The following ACSM3 variants were observed in gnomAD, a reference collection of about 807,000 sequenced individuals.
ACSM3 encodes acyl-CoA synthetase medium chain family member 3.
A neutral mutation model predicts 74.1 loss-of-function variants in ACSM3; 61 were observed. That is an observed-to-expected ratio of 0.82 (90% CI 0.67 to 1.02). ACSM3 has a LOEUF of 1.02. Among genes scored for constraint, ACSM3 ranks in the 50% least tolerant of loss-of-function variants. The pLI is 0.00. For synonymous variants in ACSM3, 213 were observed against 241.5 expected, an observed-to-expected ratio of 0.88 and a Z score of 1.09; for missense variants, 660 against 697.0, an observed-to-expected ratio of 0.95 and a Z score of 0.60.
intron 1 of ACSM3, among the ~76,000 whole-genome samples, chr16:20,686,890 C>T (rs1373741644): frequency 6.6e-6 from 1 of 151,258 alleles, no homozygotes; most frequent in East Asian, 1.9e-4. Context: ...AAGAAGACAT[C>T]ATGTTGTACA....
At chr16:20,714,442 A>C (rs2079754141) in intron 1 of ACSM3, among the ~76,000 whole-genome samples, 1 of 152,180 alleles carries the variant, frequency 6.6e-6, no homozygotes, top group South Asian at 2.1e-4. Flanking sequence ...AATTAAATAG[A>C]TTTATCTGGC....
chr16:20,680,477 T>G (rs917041983), intron 1 of ACSM3: 4 of 152,208 alleles, frequency 2.6e-5, no homozygotes, highest in Non-Finnish European at 1.5e-5. Flanking sequence ...GGAACTAATA[T>G]GGGGAACCAG....
At position 20,776,029 on chromosome 16, in the gene ACSM3, A is replaced by T; in HGVS notation, c.410A>T (p.Asn137Ile). The change falls in exon 3 of 14, where the codon AAT becomes ATT. Residue 137 changes from asparagine to isoleucine, a missense_variant. Coordinates refer to ENST00000289416, the MANE Select transcript of ACSM3 (RefSeq NM_005622.4). ...AGGGTCCCAGAGTGGTGGCTTGCAAATGTGGCCTGTCTGCGAACAGGTTAG... is the reference window on the plus strand; with the variant it reads ...AGGGTCCCAGAGTGGTGGCTTGCAATTGTGGCCTGTCTGCGAACAGGTTAG... ...LPRVPEWWLA[N>I]VACLRTGTVL... The T allele has an allele frequency of 6.2e-7, 1 of 1,614,192 alleles. No homozygotes were observed. Among genetic ancestry groups the T allele is most frequent in the Non-Finnish European group, 8.5e-7 (1 of 1,180,030 alleles).
At position 20,685,837 on chromosome 16, in the gene ACSM3, A is replaced by C. The variant is rs946688908; in HGVS notation, c.-190+11015A>C. Among the ~76,000 whole-genome samples, 10 of 89,952 alleles carry C rather than the reference A, an allele frequency of 1.1e-4. 1 individual carries two copies. The highest frequency in any genetic ancestry group is 1.4e-4 in the Non-Finnish European group (6 of 41,728). 59.0% of individuals were successfully genotyped at this position (89,952 alleles called of 152,430 possible). A position where few individuals can be genotyped will look rare whatever the true frequency, so the allele number is the denominator to read the frequency against. ...TCCGTCTCAAAAAAAAAAAACAAAC[A>C]AAAAAAAAACAAAAAACTTATAGCA... On this transcript the variant is annotated intron_variant, in intron 1 of 3. Coordinates refer to the ACSM3 transcript ENST00000561584.
At chr16:20,741,479 C>CCGGGGGGGG in intron 1 of ACSM3, 1 of 1,329,520 alleles carries the variant, frequency 7.5e-7, no homozygotes, top group Non-Finnish European at 9.8e-7. Context: ...GCCTGGCAGC[C>CCGGGGGGGG]GGCCCGCCCG....
At chr16:20,723,905 T>C (rs1456122556) in intron 1 of ACSM3, among the ~76,000 whole-genome samples, 1 of 152,242 alleles carries the variant, frequency 6.6e-6, no homozygotes, top group Non-Finnish European at 1.5e-5. Context: ...TTTGTCAATG[T>C]TGGCTTTTGT....
intron 4 of ACSM3, chr16:20,780,392 T>A: frequency 2.1e-6 from 1 of 481,398 alleles, no homozygotes; most frequent in Non-Finnish European, 3.7e-6. Flanking sequence ...GATTGCAAGA[T>A]CACACAGACT....
chr16:20,782,702 C>T lies in ACSM3; in HGVS notation c.1019+915C>T, dbSNP rs868114822. Among the ~76,000 whole-genome samples, 11 of 152,198 alleles carry T rather than the reference C, an allele frequency of 7.2e-5. No homozygotes were observed. In the South Asian group the frequency reaches 1.2e-3, roughly 17 times the overall value. On this transcript the variant is annotated intron_variant, in intron 7 of 13. Transcript: ENST00000289416. Reference sequence around the variant, plus strand: ...AATCACAAGTCCAGGCTGTCACCTGCGCATATGACCAAATGGCTACAAATC... The same window carrying T: ...AATCACAAGTCCAGGCTGTCACCTGTGCATATGACCAAATGGCTACAAATC...
intron 1 of ACSM3, among the ~76,000 whole-genome samples, chr16:20,709,100 T>G (rs1314977767): frequency 6.6e-6 from 1 of 152,180 alleles, no homozygotes; most frequent in Non-Finnish European, 1.5e-5. Flanking sequence ...CTGCACGTTG[T>G]GCACATGTAC....
At chr16:20,768,203 C>A (rs930617004) in intron 1 of ACSM3, among the ~76,000 whole-genome samples, 1 of 152,142 alleles carries the variant, frequency 6.6e-6, no homozygotes, top group Non-Finnish European at 1.5e-5. Context: ...TTCTATTAGT[C>A]GCTCCATTGG....
intron 1 of ACSM3, among the ~76,000 whole-genome samples, chr16:20,716,952 T>C (rs1360418425): frequency 6.6e-6 from 1 of 152,194 alleles, no homozygotes; most frequent in Non-Finnish European, 1.5e-5. Flanking sequence ...GTCTTTGGAT[T>C]TAGTAACCCA....
chr16:20,723,453 C>T (rs1339918185), intron 1 of ACSM3, among the ~76,000 whole-genome samples: 29 of 152,138 alleles, frequency 1.9e-4, no homozygotes, highest in Non-Finnish European at 3.8e-4. Flanking sequence ...CCTGAGGAAT[C>T]GCCACACTGA....
chr16:20,773,766 T>C (rs1202014130), intron 2 of ACSM3, among the ~76,000 whole-genome samples: 1 of 152,258 alleles, frequency 6.6e-6, no homozygotes, highest in Non-Finnish European at 1.5e-5. Context: ...AAATTTGTTT[T>C]GTGCCCTAAC....
intron 1 of ACSM3, chr16:20,685,199 G>T: frequency 2.5e-6 from 4 of 1,614,154 alleles, no homozygotes; most frequent in Non-Finnish European, 3.4e-6. Flanking sequence ...TGACCTGTTC[G>T]CATGCAGCCC....
intron 1 of ACSM3, among the ~76,000 whole-genome samples, chr16:20,744,761 C>T (rs2079950994): frequency 6.6e-6 from 1 of 152,170 alleles, no homozygotes; most frequent in Admixed American, 6.5e-5. Flanking sequence ...TTTCCTGCAC[C>T]TCACTTTTCT....
rs747284545 is a variant in ACSM3 at position 20,777,577 on chromosome 16, T to C, written c.635T>C (p.Met212Thr). 6.2e-6 allele frequency: 10 copies of C among 1,612,634 alleles called. No individual in the cohort carries two copies. Among genetic ancestry groups the C allele is most frequent in the South Asian group, 4.4e-5 (4 of 91,016 alleles). ...GGGTGGGGGAACCTCAAGGAGTTGA[T>C]GAAGTGAGTAGCCACACTTGTTGTA... ...REGWGNLKELMKHASDSHTCV... is the reference protein window; with the variant it reads ...REGWGNLKELTKHASDSHTCV... Residue 212 changes from methionine to threonine, a missense_variant, in exon 4 of 14, where the codon ATG becomes ACG. Met to Thr is a moderately conservative substitution (Grantham distance 81, BLOSUM62 -1). Transcript: ENST00000289416.
chr16:20,789,446 G>A (rs1370061881), intron 9 of ACSM3: 6 of 1,464,874 alleles, frequency 4.1e-6, no homozygotes, highest in Non-Finnish European at 4.8e-6. Context: ...GGATTGGAGA[G>A]AGGGTAAGAG....
Position 20,770,262 on chromosome 16 carries a change from G to T in ACSM3, c.219+9G>T. Reference sequence around the variant, plus strand: ...GGACTGATAAGGAAAAGGTATGGGGGGAGGGCCAGTCAGACCACAATTTCT... The same window carrying T: ...GGACTGATAAGGAAAAGGTATGGGGTGAGGGCCAGTCAGACCACAATTTCT... On this transcript the variant is annotated intron_variant, in intron 2 of 13. Coordinates refer to ENST00000289416, the MANE Select transcript of ACSM3 (RefSeq NM_005622.4). The T allele has an allele frequency of 1.2e-6, 2 of 1,609,972 alleles. No individual in the cohort carries two copies. The highest frequency in any genetic ancestry group is 1.7e-4 in the Middle Eastern group (1 of 6,054).
intron 1 of ACSM3, among the ~76,000 whole-genome samples, chr16:20,722,438 A>G (rs2079789074): frequency 6.6e-6 from 1 of 152,172 alleles, no homozygotes; most frequent in Admixed American, 6.5e-5. Context: ...ACTTCTCCAG[A>G]AGGAGGAGCT....
Sources: gnomAD v4.1 joint callset for allele counts (sites outside exome capture counted in the v4.1 genomes callset) on GRCh38, gnomAD v4.1.1 for gene constraint, MANE v1.5 for transcripts, NCBI Gene and HGNC (gene_info 2026-07-23, HGNC 2026-07-21) for gene names.